Variants in CTNNA3 observed in about 807,000 individuals in gnomAD.
CTNNA3 encodes the protein catenin alpha-3.
Under a neutral mutation model 95.7 loss-of-function variants are expected in CTNNA3, and 76 were observed. The ratio of observed to expected loss-of-function variants is 0.79; its 90% CI spans 0.66 to 0.96. The LOEUF (loss-of-function observed/expected upper bound fraction) is 0.96, where lower values mean the gene tolerates loss of function less well. Among genes scored for constraint, CTNNA3 ranks in the 40% least tolerant of loss-of-function variants. The pLI, the probability that CTNNA3 is intolerant of heterozygous loss-of-function variation, is 0.00. For synonymous variants in CTNNA3, 431 were observed against 374.4 expected (o/e 1.15, Z -1.74); for missense variants, 1,191 against 1,089.8 (o/e 1.09, Z -1.31).
intron 15 of CTNNA3, among the ~76,000 whole-genome samples, chr10:66,016,816 T>C (rs1373149860): frequency 6.6e-6 from 1 of 152,156 alleles, no homozygotes; most frequent in East Asian, 1.9e-4. Flanking sequence ...TAAGATATTT[T>C]CATTAAAATC....
intron 12 of CTNNA3, among the ~76,000 whole-genome samples, chr10:66,355,400 A>G (rs2092601080): frequency 6.6e-6 from 1 of 152,116 alleles, no homozygotes; most frequent in African/African-American, 2.4e-5. Flanking sequence ...GTAATGGCAA[A>G]TGCAAATCAC....
chr10:66,185,933 C>CTA (rs1189770844), intron 13 of CTNNA3, among the ~76,000 whole-genome samples: 3 of 151,866 alleles, frequency 2.0e-5, no homozygotes, highest in African/African-American at 7.3e-5. Flanking sequence ...CACACTCTCT[C>CTA]TCTCTATATA....
intron 7 of CTNNA3, among the ~76,000 whole-genome samples, chr10:66,971,133 G>A (rs1415292341): frequency 6.6e-6 from 1 of 151,988 alleles, no homozygotes; most frequent in Non-Finnish European, 1.5e-5. Flanking sequence ...GCAGGATAGT[G>A]AAGTTAAAAA....
chr10:67,439,318 T>C (rs1416723027), intron 5 of CTNNA3, among the ~76,000 whole-genome samples: 2 of 152,154 alleles, frequency 1.3e-5, no homozygotes, highest in Non-Finnish European at 2.9e-5. Flanking sequence ...AGAGGTTTAA[T>C]TGGCTCATGG....
intron 1 of CTNNA3, among the ~76,000 whole-genome samples, chr10:67,725,787 C>A (rs748291193): frequency 2.0e-5 from 3 of 151,112 alleles, no homozygotes; most frequent in Non-Finnish European, 4.4e-5. Context: ...GAAGATTCCA[C>A]CCTGCCCCAT....
At chr10:66,619,763 T>C (rs1844677398) in intron 10 of CTNNA3, among the ~76,000 whole-genome samples, 1 of 151,702 alleles carries the variant, frequency 6.6e-6, no homozygotes, top group Non-Finnish European at 1.5e-5. Flanking sequence ...GCTGTCCATA[T>C]GGCCATATGT....
In CTNNA3 at chr10:66,474,097, A is replaced by G. The variant is rs570481248; in HGVS notation, c.1531+46520T>C. On this transcript the variant is annotated intron_variant, in intron 11 of 17. Transcript: ENST00000433211. ...ACTTTCAAAATCCTCTCTTCTAGCT[A>G]TTTTGAAATGTGCAATACAATATAG... Among the ~76,000 whole-genome samples, 10 of 152,144 alleles carry G rather than the reference A, an allele frequency of 6.6e-5. No individual in the cohort carries two copies. The South Asian group carries it at 2.1e-3, about 32-fold the overall frequency.
intron 1 of CTNNA3, among the ~76,000 whole-genome samples, chr10:67,702,241 C>T (rs1304427409): frequency 6.6e-6 from 1 of 151,940 alleles, no homozygotes; most frequent in African/African-American, 2.4e-5. Context: ...AACAAGGATA[C>T]CCAGGAATTG....
intron 11 of CTNNA3, among the ~76,000 whole-genome samples, chr10:66,438,398 A>C (rs1589250746): frequency 6.6e-6 from 1 of 152,154 alleles, no homozygotes. Context: ...TGCCCTGCCC[A>C]GAAAGGAGGA....
chr10:66,579,368 C>A (rs964975586), intron 10 of CTNNA3, among the ~76,000 whole-genome samples: 3 of 151,696 alleles, frequency 2.0e-5, no homozygotes, highest in Admixed American at 2.0e-4. Context: ...GCAGTACATG[C>A]CATCAGATTA....
intron 12 of CTNNA3, among the ~76,000 whole-genome samples, chr10:66,307,982 C>T (rs192745060): frequency 3.3e-5 from 5 of 152,308 alleles, no homozygotes; most frequent in African/African-American, 1.2e-4. Flanking sequence ...GAGAGGTTGA[C>T]AGGGTTGCCA....
chr10:66,534,376 T>C (rs538624124), intron 10 of CTNNA3, among the ~76,000 whole-genome samples: 116 of 151,928 alleles, frequency 7.6e-4, no homozygotes, highest in African/African-American at 2.7e-3. Flanking sequence ...GTATAGGTGG[T>C]AGATTAAAAA....
intron 5 of CTNNA3, among the ~76,000 whole-genome samples, chr10:67,485,626 T>C (rs780232413): frequency 3.9e-5 from 6 of 152,206 alleles, no homozygotes; most frequent in Non-Finnish European, 4.4e-5. Context: ...GACCCAGTGA[T>C]GATAGAAATT....
chr10:66,919,298 T>G (rs560573497), intron 7 of CTNNA3, among the ~76,000 whole-genome samples: 2 of 152,140 alleles, frequency 1.3e-5, no homozygotes. Flanking sequence ...TACTAGCCTC[T>G]CAACTTTTGC....
At chr10:65,990,002 C>T (rs2078506930) in intron 15 of CTNNA3, among the ~76,000 whole-genome samples, 1 of 152,028 alleles carries the variant, frequency 6.6e-6, no homozygotes, top group South Asian at 2.1e-4. Flanking sequence ...ATAACATCCT[C>T]CAGGCTCATC....
At chr10:66,015,105 A>AAATAATAAT (rs374364944) in intron 15 of CTNNA3, among the ~76,000 whole-genome samples, 28,049 of 149,952 alleles carry the variant, frequency 0.19, 3,007 homozygotes, top group East Asian at 0.49. Context: ...CTGTCTCAAA[A>AAATAATAAT]AATAATAATA....
intron 4 of CTNNA3, among the ~76,000 whole-genome samples, chr10:67,533,841 T>C (rs1360561935): frequency 2.6e-5 from 4 of 152,066 alleles, no homozygotes; most frequent in African/African-American, 9.6e-5. Context: ...TATAGATACA[T>C]GCTATTAAAA....
In CTNNA3 at chr10:66,905,786, T is replaced by C. The variant is rs143901052; in HGVS notation, c.1048-130262A>G. 3.2e-3 allele frequency among the ~76,000 whole-genome samples: 489 copies of C among 152,248 alleles called. 2 individuals carry two copies. Among genetic ancestry groups the C allele is most frequent in the African/African-American group, 0.011 (462 of 41,530 alleles). On this transcript the variant is annotated intron_variant, in intron 7 of 17. Coordinates refer to ENST00000433211, the MANE Select transcript of CTNNA3 (RefSeq NM_013266.4). Reference sequence around the variant, plus strand: ...TTTCACTTACATGAGGTATCTAAAATAGTCAAATTCACAGAGAGTAAATGG... The same window carrying C: ...TTTCACTTACATGAGGTATCTAAAACAGTCAAATTCACAGAGAGTAAATGG...
chr10:67,687,093 C>A (rs1840746567), intron 1 of CTNNA3, among the ~76,000 whole-genome samples: 1 of 152,178 alleles, frequency 6.6e-6, no homozygotes, highest in Non-Finnish European at 1.5e-5. Context: ...TCCCAGGATT[C>A]CTCAGATGGT....
Sources: gnomAD v4.1 joint callset for allele counts (sites outside exome capture counted in the v4.1 genomes callset) on GRCh38, gnomAD v4.1.1 for gene constraint, MANE v1.5 for transcripts, NCBI Gene and HGNC (gene_info 2026-07-23, HGNC 2026-07-21) for gene names.